The following RBFOX3 variants were observed in gnomAD, a reference collection of about 807,000 sequenced individuals.
RBFOX3 encodes RNA binding protein fox-1 homolog 3.
In RBFOX3, 17 loss-of-function variants were observed where a neutral mutation model predicts 48.7. That is an observed-to-expected ratio of 0.35 (90% confidence interval 0.24 to 0.52). The LOEUF (loss-of-function observed/expected upper bound fraction) is 0.52. RBFOX3 is among the 20% of genes least tolerant of loss of function. The pLI, the probability that RBFOX3 is intolerant of heterozygous loss-of-function variation, is 0.94. For missense variants in RBFOX3, 382 were observed against 497.5 expected (o/e 0.77, Z 2.21); for synonymous variants, 212 against 209.5 (o/e 1.01, Z -0.10).
chr17:79,664,524 T>A, the RBFOX3 span, among the ~76,000 whole-genome samples: 8 of 152,244 alleles, frequency 5.3e-5, no homozygotes, highest in African/African-American at 1.7e-4. Flanking sequence ...TTTTTTGTAT[T>A]TTTAGTAGAG....
chr17:79,159,221 A>G (rs996045233), intron 4 of RBFOX3, among the ~76,000 whole-genome samples: 4 of 152,204 alleles, frequency 2.6e-5, no homozygotes, highest in African/African-American at 9.6e-5. Flanking sequence ...AGGTGAGCTG[A>G]CCTGGGGGTG....
At chr17:79,313,084 G>A (rs1339677688) in intron 2 of RBFOX3, among the ~76,000 whole-genome samples, 7 of 152,334 alleles carry the variant, frequency 4.6e-5, no homozygotes, top group East Asian at 1.9e-4. Context: ...AGAGCTCAGC[G>A]CGGCACCTCT....
chr17:79,405,941 T>C (rs543257092), intron 2 of RBFOX3, among the ~76,000 whole-genome samples: 1 of 152,226 alleles, frequency 6.6e-6, no homozygotes, highest in East Asian at 1.9e-4. Context: ...GCATGGATCT[T>C]GGGACTGCAC....
At chr17:79,377,061 C>G (rs1421894416) in intron 2 of RBFOX3, among the ~76,000 whole-genome samples, 1 of 152,114 alleles carries the variant, frequency 6.6e-6, no homozygotes, top group Non-Finnish European at 1.5e-5. Flanking sequence ...CCGCAGTGGG[C>G]AAAACACCCT....
At chr17:79,187,168 G>A (rs2146336784) in intron 4 of RBFOX3, among the ~76,000 whole-genome samples, 1 of 152,326 alleles carries the variant, frequency 6.6e-6, no homozygotes, top group Admixed American at 6.5e-5. Context: ...TGACTTGGGG[G>A]AGTATTTCTT....
At chr17:79,384,766 C>A (rs1037069864) in intron 2 of RBFOX3, among the ~76,000 whole-genome samples, 2 of 152,244 alleles carry the variant, frequency 1.3e-5, no homozygotes, top group African/African-American at 4.8e-5. Context: ...GGAGGAGGAG[C>A]TGCTGGCAGG....
intron 2 of RBFOX3, among the ~76,000 whole-genome samples, chr17:79,397,718 C>T (rs992315284): frequency 9.2e-5 from 14 of 152,192 alleles, no homozygotes; most frequent in African/African-American, 3.4e-4. Context: ...AGCTGCATCA[C>T]AGGAGTCACG....
chr17:79,591,450 C>T (rs1426073273), intron 1 of RBFOX3, among the ~76,000 whole-genome samples: 1 of 152,160 alleles, frequency 6.6e-6, no homozygotes, highest in Non-Finnish European at 1.5e-5. Context: ...CCGATGGACA[C>T]CAGACTCCTT....
chr17:79,465,651 C>T (rs2076213395), intron 2 of RBFOX3, among the ~76,000 whole-genome samples: 1 of 152,248 alleles, frequency 6.6e-6, no homozygotes, highest in South Asian at 2.1e-4. Context: ...TAAGCTTTGC[C>T]TCAGCCTCGG....
the RBFOX3 span, among the ~76,000 whole-genome samples, chr17:79,623,328 C>T: frequency 6.6e-6 from 1 of 152,318 alleles, no homozygotes; most frequent in East Asian, 1.9e-4. Context: ...TGAGATACCC[C>T]ACAGGAGGGA....
At chr17:79,191,881 C>T (rs2054595077) in intron 4 of RBFOX3, among the ~76,000 whole-genome samples, 2 of 152,294 alleles carry the variant, frequency 1.3e-5, no homozygotes, top group South Asian at 4.1e-4. Flanking sequence ...GCAGCCTCTT[C>T]CCTCCCGGCA....
intron 2 of RBFOX3, among the ~76,000 whole-genome samples, chr17:79,439,487 G>A (rs192067103): frequency 2.2e-4 from 33 of 152,322 alleles, no homozygotes; most frequent in African/African-American, 6.0e-4. Flanking sequence ...TCTGGCAGGC[G>A]GTGGACTCAG....
At chr17:79,142,322 T>C (rs1018493869) in intron 4 of RBFOX3, among the ~76,000 whole-genome samples, 2 of 152,196 alleles carry the variant, frequency 1.3e-5, no homozygotes, top group African/African-American at 4.8e-5. Context: ...AGCAGCCCCG[T>C]TGGAGAGGCA....
At chr17:79,433,653 C>T (rs2068867899) in intron 2 of RBFOX3, among the ~76,000 whole-genome samples, 1 of 152,186 alleles carries the variant, frequency 6.6e-6, no homozygotes, top group African/African-American at 2.4e-5. Flanking sequence ...CCAGCTGGCT[C>T]ACAGCTTGAA....
rs750323335 is a variant in RBFOX3 at position 79,242,710 on chromosome 17, G to A, written c.-73-6905C>T. ...ACAGTAGTCCCTGGAGTGGCTTTGG[G>A]TTCTGAGCACACTGCCCATACTTAG... On this transcript the variant is annotated intron_variant, in intron 3 of 14. Transcript: ENST00000693108. This position sits in a 1 kb window ranked among gnomAD's most constrained non-coding sequence, Gnocchi z 5.8. 1.3e-5 allele frequency among the ~76,000 whole-genome samples: 2 copies of A among 152,122 alleles called. No individual in the cohort carries two copies. The highest frequency in any genetic ancestry group is 2.9e-5 in the Non-Finnish European group (2 of 68,018).
chr17:79,580,139 G>C (rs1311476423), intron 1 of RBFOX3, among the ~76,000 whole-genome samples: 3 of 151,688 alleles, frequency 2.0e-5, no homozygotes, highest in African/African-American at 7.3e-5. Flanking sequence ...GTGCCCCTTG[G>C]GCTTCTGTGC....
In RBFOX3 at chr17:79,187,990, T is replaced by TATCAGGAG. The variant is rs370515451; in HGVS notation, c.-34+47768_-34+47775dup. Among the ~76,000 whole-genome samples, 4 of 152,320 alleles carry TATCAGGAG rather than the reference T, an allele frequency of 2.6e-5. No homozygotes were observed. The East Asian group carries it at 7.7e-4, about 29-fold the overall frequency. Reference sequence around the variant, plus strand: ...ATTCCCAGAGGAGGCGGCTTCCTTATATCAGGAGTCGGGGGCTGCTTCCAC... The same window carrying TATCAGGAG: ...ATTCCCAGAGGAGGCGGCTTCCTTATATCAGGAGATCAGGAGTCGGGGGCTGCTTCCAC... On this transcript the variant is annotated intron_variant, in intron 4 of 14. Coordinates refer to ENST00000693108, the MANE Select transcript of RBFOX3 (RefSeq NM_001350451.2).
At chr17:79,251,560 C>T (rs1224978354) in intron 3 of RBFOX3, among the ~76,000 whole-genome samples, 2 of 152,206 alleles carry the variant, frequency 1.3e-5, no homozygotes, top group Non-Finnish European at 2.9e-5. Flanking sequence ...TCTTCCTTAA[C>T]ACCTTCTGTA....
intron 2 of RBFOX3, among the ~76,000 whole-genome samples, chr17:79,408,334 C>A (rs1453987861): frequency 6.6e-6 from 1 of 152,124 alleles, no homozygotes; most frequent in Non-Finnish European, 1.5e-5. Context: ...AGCCCCCACG[C>A]AGCACTGAGC....
Sources: allele counts gnomAD v4.1 joint callset (sites outside exome capture counted in the v4.1 genomes callset), GRCh38; gene constraint gnomAD v4.1.1; non-coding constraint Gnocchi (gnomAD v3.1); transcripts MANE v1.5; gene names NCBI Gene and HGNC (gene_info 2026-07-23, HGNC 2026-07-21).